INTS8: variants seen among roughly 807,000 people sequenced by gnomAD.
INTS8 encodes the protein integrator complex subunit 8, also known as protein kaonashi-1.
INTS8 carries 47 observed loss-of-function variants against 138.9 expected under a neutral mutation model. That is an observed-to-expected ratio of 0.34 (90% CI 0.27 to 0.43). The LOEUF is 0.43. Ranked by LOEUF, INTS8 falls within the 20% of genes least tolerant of loss-of-function variation. The pLI, the probability that INTS8 is intolerant of heterozygous loss-of-function variation, is 1.00. For synonymous variants in INTS8, 392 were observed against 400.9 expected, an observed-to-expected ratio of 0.98 and a Z score of 0.27; for missense variants, 996 against 1,173.0, an observed-to-expected ratio of 0.85 and a Z score of 2.20.
In INTS8 at chr8:94,865,694, T is replaced by C; in HGVS notation, c.2261+4T>C. The C allele has an allele frequency of 6.2e-7, 1 of 1,612,192 alleles. No homozygotes were observed. Among genetic ancestry groups the C allele is most frequent in the Non-Finnish European group, 8.5e-7 (1 of 1,178,272 alleles). ...CTACGTTAGGTATCATGTATCGGTA[T>C]GTATTGGTACGTTTCTATTAGTTGT... On this transcript the variant is annotated splice_donor_region_variant and intron_variant, in intron 17 of 26. Coordinates refer to ENST00000523731, the MANE Select transcript of INTS8 (RefSeq NM_017864.4).
chr8:94,866,895 G>C (rs1366537783), intron 18 of INTS8: 2 of 413,134 alleles, frequency 4.8e-6, no homozygotes, highest in East Asian at 3.8e-5. Flanking sequence ...GTTGAGCGTG[G>C]AGATAGCACC....
intron 20 of INTS8, among the ~76,000 whole-genome samples, chr8:94,869,443 G>A (rs529957442): frequency 1.5e-4 from 23 of 151,920 alleles, no homozygotes; most frequent in Non-Finnish European, 2.7e-4. Flanking sequence ...TACTACAGGC[G>A]TGTGCCACCA....
At chr8:94,825,604 T>C (rs140720442) in intron 2 of INTS8, among the ~76,000 whole-genome samples, 11 of 152,298 alleles carry the variant, frequency 7.2e-5, no homozygotes, top group Non-Finnish European at 1.5e-4. Context: ...TGTTGTGTAA[T>C]ATGAATGATT....
intron 7 of INTS8, among the ~76,000 whole-genome samples, chr8:94,837,707 T>C (rs1814977948): frequency 6.6e-6 from 1 of 152,226 alleles, no homozygotes; most frequent in African/African-American, 2.4e-5. Flanking sequence ...TGTTTGCTCT[T>C]TGTTAATGTC....
At chr8:94,863,606 T>TAAA (rs1816073350) in intron 16 of INTS8, among the ~76,000 whole-genome samples, 1 of 152,248 alleles carries the variant, frequency 6.6e-6, no homozygotes, top group Non-Finnish European at 1.5e-5. Context: ...CAGTTAATTT[T>TAAA]TATGTTGTGC....
intron 16 of INTS8, among the ~76,000 whole-genome samples, chr8:94,861,252 T>C (rs1447859863): frequency 9.2e-6 from 1 of 109,100 alleles, no homozygotes; most frequent in Non-Finnish European, 1.8e-5. Flanking sequence ...CCCCCCTTTT[T>C]GTAATTTTTT....
intron 12 of INTS8, among the ~76,000 whole-genome samples, chr8:94,851,296 T>G (rs1161649446): frequency 6.6e-6 from 1 of 152,198 alleles, no homozygotes; most frequent in African/African-American, 2.4e-5. Context: ...AATATTGATT[T>G]TTATCTTGTT....
intron 10 of INTS8, among the ~76,000 whole-genome samples, chr8:94,848,163 C>T (rs1267247991): frequency 6.6e-6 from 1 of 151,916 alleles, no homozygotes; most frequent in Non-Finnish European, 1.5e-5. Flanking sequence ...GCCCGTGTCA[C>T]CATGCCCACG....
chr8:94,837,761 T>C (rs1400143681), intron 7 of INTS8, among the ~76,000 whole-genome samples: 4 of 152,220 alleles, frequency 2.6e-5, no homozygotes, highest in African/African-American at 9.6e-5. Context: ...ACCTTTTGTA[T>C]GTTGGCCTGA....
intron 23 of INTS8, among the ~76,000 whole-genome samples, chr8:94,875,528 T>C (rs1346257658): frequency 6.6e-6 from 1 of 152,146 alleles, no homozygotes; most frequent in Non-Finnish European, 1.5e-5. Context: ...GAAAATGTTT[T>C]TAAATTACAT....
intron 3 of INTS8, 48 bp from the exon 4 acceptor site, chr8:94,827,674 A>T: frequency 6.9e-7 from 1 of 1,452,102 alleles, no homozygotes; most frequent in Non-Finnish European, 9.7e-7. Context: ...AATAATTGAG[A>T]TGACATTTAT....
intron 8 of INTS8, 75 bp from the exon 9 acceptor site, chr8:94,841,416 T>G: frequency 1.5e-6 from 1 of 646,838 alleles, no homozygotes; most frequent in Non-Finnish European, 2.7e-6. Context: ...TTTTCCATTA[T>G]AGAAAGACTT....
At chr8:94,870,074 T>C (rs1043100886) in intron 20 of INTS8, among the ~76,000 whole-genome samples, 1 of 151,278 alleles carries the variant, frequency 6.6e-6, no homozygotes, top group Admixed American at 6.6e-5. Context: ...TTTTTTGAGA[T>C]GGAGTCTTGC....
At chr8:94,857,527 A>G (rs990965324) in intron 15 of INTS8, among the ~76,000 whole-genome samples, 3 of 152,154 alleles carry the variant, frequency 2.0e-5, no homozygotes, top group African/African-American at 7.2e-5. Context: ...AACAACATAA[A>G]TATATTATCT....
At chr8:94,877,623 A>G (rs1020842263) in intron 26 of INTS8, among the ~76,000 whole-genome samples, 3 of 152,206 alleles carry the variant, frequency 2.0e-5, no homozygotes, top group African/African-American at 7.2e-5. Context: ...ACATGTGTCA[A>G]AAGACGTGAG....
At chr8:94,874,416 A>C in intron 22 of INTS8, 136 bp from the exon 23 acceptor site, 1 of 617,412 alleles carries the variant, frequency 1.6e-6, no homozygotes, top group South Asian at 1.8e-5. Flanking sequence ...AAATTGAATA[A>C]AAGGTACAGA....
chr8:94,830,496 A>C (rs1052179561), intron 5 of INTS8, among the ~76,000 whole-genome samples: 1 of 152,276 alleles, frequency 6.6e-6, no homozygotes. Flanking sequence ...CAAGTGGAAC[A>C]GTGCAAATTT....
intron 26 of INTS8, among the ~76,000 whole-genome samples, chr8:94,877,617 G>T (rs1057167692): frequency 6.6e-6 from 1 of 152,050 alleles, no homozygotes; most frequent in African/African-American, 2.4e-5. Flanking sequence ...TCCTCTACAT[G>T]TGTCAAAAGA....
intron 10 of INTS8, among the ~76,000 whole-genome samples, chr8:94,849,024 G>C (rs1815433325): frequency 1.3e-5 from 2 of 151,808 alleles, no homozygotes; most frequent in South Asian, 4.2e-4. Flanking sequence ...TTCATGAATA[G>C]CTCATGAATA....
Sources: allele counts gnomAD v4.1 joint callset (sites outside exome capture counted in the v4.1 genomes callset), GRCh38; gene constraint gnomAD v4.1.1; transcripts MANE v1.5; gene names NCBI Gene and HGNC (gene_info 2026-07-23, HGNC 2026-07-21).